The following SCRN1 variants were observed in gnomAD, a reference collection of about 807,000 sequenced individuals.
The protein encoded by SCRN1 is secernin 1, also known as secernin-1.
A neutral mutation model predicts 43.3 loss-of-function variants in SCRN1; 19 were observed. The observed-to-expected ratio is 0.44, with a 90% CI of 0.31 to 0.64. The LOEUF (loss-of-function observed/expected upper bound fraction) is 0.64. Ranked by LOEUF, SCRN1 falls within the 30% of genes least tolerant of loss-of-function variation. SCRN1 has a pLI of 0.09. For missense variants in SCRN1, 447 were observed against 524.1 expected (o/e 0.85, Z 1.44); for synonymous variants, 183 against 188.9 (o/e 0.97, Z 0.26).
chr7:29,932,861 T>C (rs1787206591), intron 6 of SCRN1, among the ~76,000 whole-genome samples: 2 of 151,838 alleles, frequency 1.3e-5, no homozygotes, highest in African/African-American at 4.8e-5. Context: ...TTACCCATCC[T>C]GTATCTTATT....
At chr7:29,949,785 C>T (rs555766142) in intron 3 of SCRN1, among the ~76,000 whole-genome samples, 118 of 152,192 alleles carry the variant, frequency 7.8e-4, no homozygotes, top group Non-Finnish European at 1.2e-3. Context: ...GCAATCTTCC[C>T]GCCTCAGTCT....
intron 3 of SCRN1, among the ~76,000 whole-genome samples, chr7:29,947,886 G>C (rs1787787074): frequency 6.6e-6 from 1 of 152,170 alleles, no homozygotes; most frequent in Non-Finnish European, 1.5e-5. Flanking sequence ...GTGAGGATAC[G>C]GGGGAAGATG....
chr7:29,933,033 C>G (rs532222513), intron 6 of SCRN1, among the ~76,000 whole-genome samples: 1 of 151,990 alleles, frequency 6.6e-6, no homozygotes, highest in Non-Finnish European at 1.5e-5. Context: ...TGCACCACCA[C>G]GCCTGGCTAA....
At chr7:29,927,980 G>A (rs1411742428) in intron 6 of SCRN1, among the ~76,000 whole-genome samples, 1 of 152,054 alleles carries the variant, frequency 6.6e-6, no homozygotes, top group Non-Finnish European at 1.5e-5. Context: ...AAAATTAGCC[G>A]GATGTGGTGG....
At chr7:29,966,705 T>C (rs1455874619) in intron 2 of SCRN1, among the ~76,000 whole-genome samples, 1 of 152,202 alleles carries the variant, frequency 6.6e-6, no homozygotes, top group Non-Finnish European at 1.5e-5. Flanking sequence ...GCAAGGGCTT[T>C]TATTAAGTTA....
At chr7:29,941,088 C>T (rs1787529194) in intron 4 of SCRN1, among the ~76,000 whole-genome samples, 1 of 152,212 alleles carries the variant, frequency 6.6e-6, no homozygotes, top group Non-Finnish European at 1.5e-5. Flanking sequence ...GGCATTATCA[C>T]ATTTTAAATG....
intron 3 of SCRN1, among the ~76,000 whole-genome samples, chr7:29,944,391 G>A (rs539824570): frequency 1.3e-5 from 2 of 152,176 alleles, no homozygotes; most frequent in Non-Finnish European, 2.9e-5. Flanking sequence ...GGGGTGGCCA[G>A]GTGCAGTGGT....
At chr7:29,925,332 C>T (rs916929062) in intron 7 of SCRN1, among the ~76,000 whole-genome samples, 2 of 152,172 alleles carry the variant, frequency 1.3e-5, no homozygotes, top group African/African-American at 4.8e-5. Context: ...GGATTTATTG[C>T]TTGGATTTTT....
At chr7:29,954,576 T>C (rs1431023296) in intron 3 of SCRN1, among the ~76,000 whole-genome samples, 1 of 152,238 alleles carries the variant, frequency 6.6e-6, no homozygotes, top group Non-Finnish European at 1.5e-5. Context: ...CTATTCTGTA[T>C]ATTTCATATA....
intron 4 of SCRN1, among the ~76,000 whole-genome samples, chr7:29,942,023 C>T (rs2128090227): frequency 6.6e-6 from 1 of 152,358 alleles, no homozygotes; most frequent in Admixed American, 6.5e-5. Flanking sequence ...CACTGATTTA[C>T]ACTTCTGAAA....
At chr7:29,957,713 A>G (rs956709330) in intron 2 of SCRN1, among the ~76,000 whole-genome samples, 2 of 152,212 alleles carry the variant, frequency 1.3e-5, no homozygotes, top group Non-Finnish European at 2.9e-5. Flanking sequence ...ACACATCCGC[A>G]TGGTCCGCTA....
intron 1 of SCRN1, among the ~76,000 whole-genome samples, chr7:29,986,144 G>A (rs1027570393): frequency 1.3e-5 from 2 of 152,252 alleles, no homozygotes; most frequent in African/African-American, 4.8e-5. Context: ...GTTGAGGCAG[G>A]AGAATCGCTT....
intron 1 of SCRN1, among the ~76,000 whole-genome samples, chr7:29,978,364 T>G (rs56077711): frequency 6.6e-6 from 1 of 152,222 alleles, no homozygotes; most frequent in African/African-American, 2.4e-5. Context: ...ATGGCAAGAC[T>G]GGAGTTGGGT....
rs541499717 is a variant in SCRN1 at position 29,952,824 on chromosome 7, A to G, written c.341+2355T>C. Among the ~76,000 whole-genome samples, 3 of 152,328 alleles carry G rather than the reference A, an allele frequency of 2.0e-5. No individual in the cohort carries two copies. In the South Asian group the frequency reaches 6.2e-4, roughly 32 times the overall value. On this transcript the variant is annotated intron_variant, in intron 3 of 7. Transcript: ENST00000242059. ...CATAGCTGCTTTAAAGATGAACTCA[A>G]AAGATCCACTTAAGGTGCAGATGCC...
At chr7:29,936,915 A>G (rs1427048230) in intron 5 of SCRN1, among the ~76,000 whole-genome samples, 194 bp from the exon 6 acceptor site, 4 of 152,056 alleles carry the variant, frequency 2.6e-5, no homozygotes, top group Admixed American at 6.6e-5. Flanking sequence ...GGGTGGTGGC[A>G]GGCGCCTGTA....
rs1232434962 is a variant in SCRN1 at position 29,924,030 on chromosome 7, TC to T, written c.1171del (p.Glu391SerfsTer35). On this transcript the variant is annotated frameshift_variant, in exon 8 of 8. Transcript: ENST00000242059. LOFTEE classifies it high-confidence loss of function. ...CCCCACTTCCGCAGGGTCCAGTGGC[TC>T]GGAGCTGGTCAGGATTTCTTCCATG... Reference protein sequence around the residue: ...EAMEEILTSSEPLDPAEVGDL... With the variant: ...EAMEEILTSSXPLDPAEVGDL... The T allele has an allele frequency of 6.2e-7, 1 of 1,614,182 alleles. No individual in the cohort carries two copies. Among genetic ancestry groups the T allele is most frequent in the Non-Finnish European group, 8.5e-7 (1 of 1,180,030 alleles).
chr7:29,955,468 A>C (rs1433072857), intron 2 of SCRN1, 108 bp from the exon 3 acceptor site: 1 of 1,049,826 alleles, frequency 9.5e-7, no homozygotes, highest in African/African-American at 1.6e-5. Flanking sequence ...CAGAGCCAAA[A>C]AATAAAAGGC....
intron 2 of SCRN1, among the ~76,000 whole-genome samples, chr7:29,963,342 G>T (rs1206442678): frequency 1.3e-5 from 2 of 152,164 alleles, no homozygotes; most frequent in African/African-American, 4.8e-5. Flanking sequence ...CAGGCTAAAG[G>T]GAGGAGTGGA....
chr7:29,947,305 G>A, intron 3 of SCRN1: 1 of 1,550,750 alleles, frequency 6.4e-7, no homozygotes, highest in South Asian at 1.2e-5. Flanking sequence ...GCCCGTTCCT[G>A]AAAAGTTAAC....
Sources: gnomAD v4.1 joint callset for allele counts (sites outside exome capture counted in the v4.1 genomes callset) on GRCh38, gnomAD v4.1.1 for gene constraint, MANE v1.5 for transcripts, NCBI Gene and HGNC (gene_info 2026-07-23, HGNC 2026-07-21) for gene names.